Variants in MSI2 observed in about 807,000 individuals in gnomAD.
MSI2 encodes the protein RNA-binding protein Musashi homolog 2.
In MSI2, 17 loss-of-function variants were observed where a neutral mutation model predicts 45.6. The ratio of observed to expected loss-of-function variants is 0.37; its 90% confidence interval spans 0.26 to 0.56. MSI2 has a LOEUF of 0.56. MSI2 is among the 20% of genes least tolerant of loss of function. The probability of loss-of-function intolerance (pLI) is 0.77; values close to 1 mark genes in which losing one functional copy is unlikely to be tolerated. For synonymous variants in MSI2, 156 were observed against 158.2 expected, an observed-to-expected ratio of 0.99 and a Z score of 0.11; for missense variants, 293 against 444.2, an observed-to-expected ratio of 0.66 and a Z score of 3.06.
chr17:57,460,185 G>C (rs188292518), intron 6 of MSI2, among the ~76,000 whole-genome samples: 2 of 151,722 alleles, frequency 1.3e-5, no homozygotes, highest in Non-Finnish European at 2.9e-5. Context: ...TCAGTTGGGC[G>C]TGGTGACACA....
At chr17:57,467,762 G>A (rs1454212818) in intron 6 of MSI2, among the ~76,000 whole-genome samples, 1 of 152,002 alleles carries the variant, frequency 6.6e-6, no homozygotes, top group Non-Finnish European at 1.5e-5. Context: ...GAACATTTAC[G>A]GATGTCTGTA....
chr17:57,359,964 C>G (rs1257649151), intron 5 of MSI2, among the ~76,000 whole-genome samples: 2 of 152,208 alleles, frequency 1.3e-5, no homozygotes, highest in African/African-American at 4.8e-5. Flanking sequence ...GGAGCCTGGC[C>G]CTCCATCTTA....
chr17:57,403,937 A>ATG (rs752926530), intron 6 of MSI2, among the ~76,000 whole-genome samples: 3,751 of 81,878 alleles, frequency 0.046, 102 homozygotes, highest in Middle Eastern at 0.14. Flanking sequence ...GAATGTGCAC[A>ATG]CACACACACA....
At chr17:57,614,295 T>G (rs1907465722) in intron 8 of MSI2, among the ~76,000 whole-genome samples, 1 of 152,172 alleles carries the variant, frequency 6.6e-6, no homozygotes, top group Non-Finnish European at 1.5e-5. Context: ...TCAAGCAGTC[T>G]GCCTGCCTTA....
intron 9 of MSI2, among the ~76,000 whole-genome samples, chr17:57,620,240 A>G (rs1398761797): frequency 6.6e-6 from 1 of 152,078 alleles, no homozygotes; most frequent in Non-Finnish European, 1.5e-5. Context: ...CATTTATCCT[A>G]CCCATGGGGT....
At chr17:57,522,357 C>G (rs1662209422) in intron 6 of MSI2, 1 of 152,186 alleles carries the variant, frequency 6.6e-6, no homozygotes, top group Non-Finnish European at 1.5e-5. Flanking sequence ...GGTTTCTTCT[C>G]TTCCCTTTCC....
intron 6 of MSI2, among the ~76,000 whole-genome samples, chr17:57,412,994 T>C (rs918259189): frequency 6.6e-6 from 1 of 152,254 alleles, no homozygotes; most frequent in African/African-American, 2.4e-5. Flanking sequence ...GCACACATAG[T>C]TGTTAGCATC....
intron 7 of MSI2, among the ~76,000 whole-genome samples, chr17:57,582,639 G>A (rs2088235656): frequency 6.6e-6 from 1 of 152,164 alleles, no homozygotes; most frequent in Non-Finnish European, 1.5e-5. Flanking sequence ...CACTGTGCTG[G>A]CTAAATCATG....
At chr17:57,271,237 G>A (rs916739865) in intron 5 of MSI2, among the ~76,000 whole-genome samples, 2 of 152,160 alleles carry the variant, frequency 1.3e-5, no homozygotes, top group Non-Finnish European at 2.9e-5. Flanking sequence ...TTTTTAGCCT[G>A]TTGTCTGGGA....
At chr17:57,468,763 T>G (rs1395612851) in intron 6 of MSI2, among the ~76,000 whole-genome samples, 3 of 152,050 alleles carry the variant, frequency 2.0e-5, no homozygotes, top group African/African-American at 7.2e-5. Context: ...AACGCGGGTC[T>G]CTTGGGCCTC....
At chr17:57,545,761 C>T (rs541344343) in intron 7 of MSI2, among the ~76,000 whole-genome samples, 8 of 152,222 alleles carry the variant, frequency 5.3e-5, no homozygotes, top group East Asian at 1.9e-4. Flanking sequence ...ATTATTATGA[C>T]GACTGGAGAA....
At chr17:57,622,506 T>G (rs1908400926) in intron 9 of MSI2, among the ~76,000 whole-genome samples, 1 of 152,222 alleles carries the variant, frequency 6.6e-6, no homozygotes, top group African/African-American at 2.4e-5. Context: ...AAGAAAAGCT[T>G]CACCCTAGCA....
intron 5 of MSI2, among the ~76,000 whole-genome samples, chr17:57,283,972 C>T (rs1909645850): frequency 6.6e-6 from 1 of 152,182 alleles, no homozygotes; most frequent in African/African-American, 2.4e-5. Context: ...TATTTGTAAA[C>T]AATCTTTAAG....
intron 5 of MSI2, among the ~76,000 whole-genome samples, chr17:57,304,418 ATT>A (rs143028135): frequency 2.2e-4 from 30 of 137,982 alleles, no homozygotes; most frequent in African/African-American, 7.0e-4. Context: ...ATAAAGAGTA[ATT>A]TTTTTTTTTT....
intron 7 of MSI2, among the ~76,000 whole-genome samples, chr17:57,530,087 T>C (rs1269970122): frequency 1.3e-5 from 2 of 152,196 alleles, no homozygotes; most frequent in Non-Finnish European, 2.9e-5. Flanking sequence ...TATCAATTTG[T>C]ATTGAAGGAG....
Position 57,682,282 on chromosome 17 carries a change from T to C in MSI2, c.*2765T>C, listed in dbSNP as rs1598523689. On this transcript the variant is annotated 3_prime_UTR_variant, in exon 14 of 14. Coordinates refer to ENST00000284073, the MANE Select transcript of MSI2 (RefSeq NM_138962.4). ...TCAACTAACCCAAGGTCTCACCATG[T>C]TAAAATGCCGGCGGACTCTACGGCG... is the stretch of plus-strand genomic sequence containing the variant. 1 of 192,298 alleles carries C rather than the reference T, an allele frequency of 5.2e-6. No individual in the cohort carries two copies. Among genetic ancestry groups the C allele is most frequent in the South Asian group, 2.0e-4 (1 of 5,124 alleles). The allele number at this position is 192,298 out of a possible 1,614,324, so 11.9% of individuals were successfully genotyped here. A position where few individuals can be genotyped will look rare whatever the true frequency, so the allele number is the denominator to read the frequency against.
At chr17:57,699,038 A>G in the MSI2 span, among the ~76,000 whole-genome samples, 1 of 44,676 alleles carries the variant, frequency 2.2e-5, no homozygotes, top group Middle Eastern at 0.014. Flanking sequence ...AGAGAGAGAG[A>G]GAGAGAGTGT....
intron 6 of MSI2, among the ~76,000 whole-genome samples, chr17:57,433,357 T>A (rs185493623): frequency 6.6e-6 from 1 of 152,236 alleles, no homozygotes; most frequent in East Asian, 1.9e-4. Flanking sequence ...TATAAGAAGA[T>A]CTGAAGTCGA....
chr17:57,520,685 G>A (rs2086564962), intron 6 of MSI2, among the ~76,000 whole-genome samples: 1 of 152,094 alleles, frequency 6.6e-6, no homozygotes, highest in African/African-American at 2.4e-5. Context: ...AGGCAGTCTT[G>A]CTCTGTCGCC....
Sources: gnomAD v4.1 joint callset for allele counts (sites outside exome capture counted in the v4.1 genomes callset) on GRCh38, gnomAD v4.1.1 for gene constraint, MANE v1.5 for transcripts, NCBI Gene and HGNC (gene_info 2026-07-23, HGNC 2026-07-21) for gene names.